XPO6: variants seen among roughly 807,000 people sequenced by gnomAD.
XPO6 encodes exportin-6.
XPO6 carries 3 observed loss-of-function variants against 130.0 expected under a neutral mutation model. The observed-to-expected ratio is 0.02, with a 90% confidence interval of 0.01 to 0.06. XPO6 has a LOEUF of 0.06. Among genes scored for constraint, XPO6 ranks in the 10% least tolerant of loss-of-function variants. The pLI, the probability that XPO6 is intolerant of heterozygous loss-of-function variation, is 1.00. For missense variants in XPO6, 970 were observed against 1,393.0 expected (o/e 0.70, Z 4.83); for synonymous variants, 524 against 548.9 (o/e 0.95, Z 0.63).
At position 28,101,912 on chromosome 16, in the gene XPO6, G is replaced by A. The variant is rs1191312297; in HGVS notation, c.2980C>T (p.His994Tyr). The A allele has an allele frequency of 6.2e-7, 1 of 1,613,962 alleles. No individual in the cohort carries two copies. Among genetic ancestry groups the A allele is most frequent in the African/African-American group, 1.3e-5 (1 of 74,896 alleles). The change falls in exon 22 of 24, where the codon CAC (histidine) becomes TAC (tyrosine). Residue 994 changes from histidine to tyrosine, a missense_variant. His to Tyr is a moderately conservative substitution (Grantham distance 83, BLOSUM62 2). Around this residue, in one of 4 missense-constraint regions of XPO6, gnomAD observed 936 missense variants for 1,306.8 expected, o/e 0.72. Coordinates refer to ENST00000304658, the MANE Select transcript of XPO6 (RefSeq NM_015171.4). The surrounding 1 kb of genome is among the most constrained non-coding windows in gnomAD (Gnocchi z 5.4). ...FGQSFLQPDI[H>Y]LFKQNLFYLE... is the part of the protein sequence containing the mutation. ...TAGAAGAGATTTTGTTTAAAAAGGT[G>A]GATGTCGGGCTGGAGAAAGGACTGT...
At chr16:28,201,043 C>T (rs954799929) in intron 1 of XPO6, among the ~76,000 whole-genome samples, 1 of 152,050 alleles carries the variant, frequency 6.6e-6, no homozygotes, top group Non-Finnish European at 1.5e-5. Context: ...GACCTCACCT[C>T]ACCCACTCCC....
At position 28,211,433 on chromosome 16, in the gene XPO6, C is replaced by T; in HGVS notation, c.-65G>A. ...GGGCTTCGGACACGTCCCGCTCGCACAGTTCAGGTCATGGTCCCGGCAGAC... is the reference window on the plus strand; with the variant it reads ...GGGCTTCGGACACGTCCCGCTCGCATAGTTCAGGTCATGGTCCCGGCAGAC... On this transcript the variant is annotated 5_prime_UTR_variant, in exon 1 of 24. It adds an upstream start codon to the 5' untranslated region. Coordinates refer to ENST00000304658, the MANE Select transcript of XPO6 (RefSeq NM_015171.4). 7.6e-7 allele frequency: 1 copy of T among 1,307,916 alleles called. No individual in the cohort carries two copies. The highest frequency in any genetic ancestry group is 9.8e-7 in the Non-Finnish European group (1 of 1,019,374). The allele number at this position is 1,307,916 out of a possible 1,614,324, so 81.0% of individuals were successfully genotyped here.
intron 4 of XPO6, among the ~76,000 whole-genome samples, chr16:28,172,891 A>G (rs2043475684): frequency 6.6e-6 from 1 of 152,232 alleles, no homozygotes; most frequent in African/African-American, 2.4e-5. Flanking sequence ...GAAAATGTTT[A>G]CAGTTAGCCC....
intron 14 of XPO6, among the ~76,000 whole-genome samples, chr16:28,118,520 C>T (rs1027733265): frequency 6.6e-6 from 1 of 152,124 alleles, no homozygotes; most frequent in African/African-American, 2.4e-5. Context: ...GCCACCATGC[C>T]AGGCTAATTG....
At chr16:28,098,950 A>T (rs560869449) in intron 23 of XPO6, among the ~76,000 whole-genome samples, 4 of 152,286 alleles carry the variant, frequency 2.6e-5, no homozygotes, top group South Asian at 2.1e-4. Context: ...CCACTAGTCT[A>T]AGGACAGAAA....
At chr16:28,151,126 T>C (rs1268299508) in intron 8 of XPO6, among the ~76,000 whole-genome samples, 1 of 135,728 alleles carries the variant, frequency 7.4e-6, no homozygotes, top group Non-Finnish European at 1.5e-5. Flanking sequence ...ACAACCCTCC[T>C]AGCCTAGACC....
At chr16:28,182,268 C>T (rs930472325) in intron 1 of XPO6, among the ~76,000 whole-genome samples, 35 of 152,142 alleles carry the variant, frequency 2.3e-4, no homozygotes, top group Non-Finnish European at 4.9e-4. Flanking sequence ...CGGCCTCCGT[C>T]GGGTGATTGA....
chr16:28,137,422 T>C (rs1567614328), intron 9 of XPO6, among the ~76,000 whole-genome samples: 1 of 152,236 alleles, frequency 6.6e-6, no homozygotes, highest in African/African-American at 2.4e-5. Context: ...AATAATTAAG[T>C]ATGGTTTCTG....
chr16:28,114,150 C>T (rs977242332), intron 15 of XPO6, among the ~76,000 whole-genome samples: 1 of 121,758 alleles, frequency 8.2e-6, no homozygotes, highest in African/African-American at 3.1e-5. Flanking sequence ...GTAAGATGGA[C>T]ATAAAAGGAA....
At chr16:28,145,869 C>T (rs1012839913) in intron 9 of XPO6, among the ~76,000 whole-genome samples, 2 of 152,026 alleles carry the variant, frequency 1.3e-5, no homozygotes, top group Admixed American at 1.3e-4. Context: ...AACACAAATG[C>T]ACTAAAATAT....
intron 4 of XPO6, among the ~76,000 whole-genome samples, chr16:28,175,099 GAAAAATCT>G (rs2141860726): frequency 6.6e-6 from 1 of 152,176 alleles, no homozygotes; most frequent in Non-Finnish European, 1.5e-5. Context: ...ACCCTGGCCT[GAAAAATCT>G]ATCTGAGCCA....
intron 8 of XPO6, among the ~76,000 whole-genome samples, chr16:28,150,093 C>G (rs1011881996): frequency 1.3e-5 from 2 of 152,192 alleles, no homozygotes; most frequent in Non-Finnish European, 2.9e-5. Flanking sequence ...CCCTGGTTTA[C>G]CCACAGTAAG....
At chr16:28,190,740 T>C (rs1202317696) in intron 1 of XPO6, among the ~76,000 whole-genome samples, 1 of 152,170 alleles carries the variant, frequency 6.6e-6, no homozygotes, top group Admixed American at 6.5e-5. Context: ...ACCATAGTCA[T>C]GTGGGAGAAT....
At chr16:28,149,751 T>C (rs533139358) in intron 8 of XPO6, among the ~76,000 whole-genome samples, 106 of 152,256 alleles carry the variant, frequency 7.0e-4, no homozygotes, top group Admixed American at 1.2e-3. Context: ...AACACATTCA[T>C]CAGAACACAT....
At chr16:28,141,884 C>T (rs997218472) in intron 9 of XPO6, among the ~76,000 whole-genome samples, 3 of 152,230 alleles carry the variant, frequency 2.0e-5, no homozygotes, top group African/African-American at 7.2e-5. Flanking sequence ...GGTGTAAACC[C>T]AGGAGGCGGA....
At chr16:28,165,075 G>A (rs1459902136) in intron 6 of XPO6, among the ~76,000 whole-genome samples, 1 of 152,104 alleles carries the variant, frequency 6.6e-6, no homozygotes, top group Non-Finnish European at 1.5e-5. Context: ...AAATTAGCCA[G>A]GCATGTTGGT....
rs140808680 is a variant in XPO6, at chr16:28,119,414, T to C, written c.1860-1952A>G. ...ATGATGCAAGAGGAAAGGCACATCATTGCCTATGTAGTAACCTTGCTAAAA... is the reference window on the plus strand; with the variant it reads ...ATGATGCAAGAGGAAAGGCACATCACTGCCTATGTAGTAACCTTGCTAAAA... On this transcript the variant is annotated intron_variant, in intron 14 of 23. Transcript: ENST00000304658. 5.5e-3 allele frequency among the ~76,000 whole-genome samples: 834 copies of C among 152,284 alleles called. 7 individuals are homozygous for C. Among genetic ancestry groups the C allele is most frequent in the African/African-American group, 0.019 (781 of 41,552 alleles).
chr16:28,104,264 G>C (rs1184183326), intron 21 of XPO6, among the ~76,000 whole-genome samples: 1 of 152,202 alleles, frequency 6.6e-6, no homozygotes, highest in Non-Finnish European at 1.5e-5. Flanking sequence ...TGGGGAAACA[G>C]CACTATGAGG....
chr16:28,185,627 T>C (rs1214807576), intron 1 of XPO6, among the ~76,000 whole-genome samples: 1 of 152,210 alleles, frequency 6.6e-6, no homozygotes, highest in Non-Finnish European at 1.5e-5. Flanking sequence ...ATTTTAGCTC[T>C]ATCAGCACAA....
Sources: gnomAD v4.1 joint callset for allele counts (sites outside exome capture counted in the v4.1 genomes callset) on GRCh38, gnomAD v4.1.1 for gene constraint, gnomAD v4.1.1 regional missense constraint, Gnocchi (gnomAD v3.1) non-coding constraint, MANE v1.5 for transcripts, NCBI Gene and HGNC (gene_info 2026-07-23, HGNC 2026-07-21) for gene names.